SENP7: variants seen among roughly 807,000 people sequenced by gnomAD.
The protein encoded by SENP7 is SUMO specific peptidase 7.
Under a neutral mutation model 141.2 loss-of-function variants are expected in SENP7, and 64 were observed. That is an observed-to-expected ratio of 0.45 (90% CI 0.37 to 0.56). The LOEUF is 0.56. SENP7 is among the 20% of genes least tolerant of loss of function. The pLI, the probability that SENP7 is intolerant of heterozygous loss-of-function variation, is 0.00. For synonymous variants in SENP7, 382 were observed against 426.4 expected, an observed-to-expected ratio of 0.90 and a Z score of 1.28; for missense variants, 1,025 against 1,212.2, an observed-to-expected ratio of 0.85 and a Z score of 2.29.
intron 4 of SENP7, among the ~76,000 whole-genome samples, chr3:101,438,490 A>T (rs2062476472): frequency 6.6e-6 from 1 of 152,164 alleles, no homozygotes; most frequent in South Asian, 2.1e-4. Context: ...ATGGAGATTG[A>T]TGATGGTGTT....
chr3:101,343,327 A>G (rs2059375957), intron 14 of SENP7, among the ~76,000 whole-genome samples: 1 of 152,148 alleles, frequency 6.6e-6, no homozygotes. Context: ...TGCAATACTC[A>G]TAAACATAGT....
intron 23 of SENP7, among the ~76,000 whole-genome samples, chr3:101,326,453 C>A (rs1359637706): frequency 6.6e-6 from 1 of 152,098 alleles, no homozygotes; most frequent in East Asian, 1.9e-4. Flanking sequence ...GTTGTAGCTG[C>A]ATACTATAAC....
At chr3:101,357,570 A>C in intron 11 of SENP7, 1 of 1,262,904 alleles carries the variant, frequency 7.9e-7, no homozygotes, top group Non-Finnish European at 1.1e-6. Context: ...AAATGTGGAC[A>C]TGACAATTTA....
intron 19 of SENP7, among the ~76,000 whole-genome samples, chr3:101,331,138 TATTAATTA>T (rs2059037949): frequency 2.0e-5 from 3 of 152,062 alleles, no homozygotes; most frequent in African/African-American, 7.2e-5. Context: ...GGTATAATAC[TATTAATTA>T]GCTAGATTTT....
chr3:101,425,188 T>C (rs758441197), intron 4 of SENP7, among the ~76,000 whole-genome samples: 1 of 152,174 alleles, frequency 6.6e-6, no homozygotes, highest in Non-Finnish European at 1.5e-5. Flanking sequence ...TGCTGGCACA[T>C]GCAAATGAGG....
chr3:101,382,885 G>C (rs1253403850), intron 6 of SENP7, among the ~76,000 whole-genome samples: 1 of 152,140 alleles, frequency 6.6e-6, no homozygotes, highest in East Asian at 1.9e-4. Flanking sequence ...TATAAAGAAA[G>C]TGTAGTATAG....
intron 10 of SENP7, among the ~76,000 whole-genome samples, chr3:101,363,941 G>A (rs2059966854): frequency 6.6e-6 from 1 of 152,168 alleles, no homozygotes; most frequent in African/African-American, 2.4e-5. Context: ...GTACCAGCTG[G>A]GAGCGGTAGC....
At chr3:101,340,480 C>CA (rs1292532780) in intron 15 of SENP7, 1 of 340,724 alleles carries the variant, frequency 2.9e-6, no homozygotes, top group African/African-American at 2.2e-5. Context: ...AGTCTCTAAT[C>CA]AATAGGTTTT....
intron 19 of SENP7, 130 bp downstream of exon 19, chr3:101,331,855 T>G: frequency 1.1e-6 from 1 of 895,660 alleles, no homozygotes; most frequent in Non-Finnish European, 1.6e-6. Context: ...TTTCAGATTT[T>G]TTATTCATCC....
At chr3:101,469,384 A>G (rs752323070) in intron 3 of SENP7, among the ~76,000 whole-genome samples, 1 of 152,182 alleles carries the variant, frequency 6.6e-6, no homozygotes, top group Non-Finnish European at 1.5e-5. Context: ...ACTTGAACTC[A>G]GCTCTGCAAC....
At chr3:101,429,627 A>T (rs2062086839) in intron 4 of SENP7, among the ~76,000 whole-genome samples, 1 of 152,170 alleles carries the variant, frequency 6.6e-6, no homozygotes, top group South Asian at 2.1e-4. Flanking sequence ...CAATCATGCC[A>T]TCTGTAAACA....
At chr3:101,415,417 G>A (rs2061585774) in intron 5 of SENP7, among the ~76,000 whole-genome samples, 1 of 151,764 alleles carries the variant, frequency 6.6e-6, no homozygotes, top group African/African-American at 2.4e-5. Context: ...GGACAATCTT[G>A]CAGTAACACT....
intron 7 of SENP7, among the ~76,000 whole-genome samples, chr3:101,371,681 A>T (rs1394828674): frequency 1.3e-5 from 2 of 152,154 alleles, no homozygotes; most frequent in African/African-American, 2.4e-5. Flanking sequence ...CTAATAATAA[A>T]AACCCAGTTA....
intron 10 of SENP7, chr3:101,363,089 T>C: frequency 1.4e-6 from 1 of 697,230 alleles, no homozygotes. Context: ...AAAACATATA[T>C]CATACTCATT....
intron 3 of SENP7, among the ~76,000 whole-genome samples, chr3:101,460,463 A>G (rs2063509467): frequency 6.6e-6 from 1 of 152,224 alleles, no homozygotes; most frequent in African/African-American, 2.4e-5. Context: ...AACTTTCAAC[A>G]AATAGTTCTA....
intron 3 of SENP7, among the ~76,000 whole-genome samples, chr3:101,492,066 T>C (rs2064988543): frequency 6.6e-6 from 1 of 150,972 alleles, no homozygotes. Flanking sequence ...CACTCCAGCC[T>C]GGGCAACAAG....
At chr3:101,428,781 G>A (rs1280625100) in intron 4 of SENP7, among the ~76,000 whole-genome samples, 1 of 152,186 alleles carries the variant, frequency 6.6e-6, no homozygotes, top group Admixed American at 6.5e-5. Flanking sequence ...CCTATGTCCT[G>A]AATGATATTG....
At chr3:101,458,490 C>G (rs2107876241) in intron 4 of SENP7, 1 of 152,588 alleles carries the variant, frequency 6.6e-6, no homozygotes, top group South Asian at 2.1e-4. Flanking sequence ...TAATTTAACA[C>G]TATGACTATA....
intron 12 of SENP7, 45 bp from the exon 13 acceptor site, chr3:101,348,096 A>T: frequency 7.6e-7 from 1 of 1,321,800 alleles, no homozygotes; most frequent in East Asian, 2.4e-5. Flanking sequence ...AATCCATTTA[A>T]GAATACACCA....
Sources: allele counts gnomAD v4.1 joint callset (sites outside exome capture counted in the v4.1 genomes callset), GRCh38; gene constraint gnomAD v4.1.1; transcripts MANE v1.5; gene names NCBI Gene and HGNC (gene_info 2026-07-23, HGNC 2026-07-21).